SENP6: variants seen among roughly 807,000 people sequenced by gnomAD.
SENP6 encodes sentrin-specific protease 6.
A neutral mutation model predicts 134.5 loss-of-function variants in SENP6; 41 were observed. The ratio of observed to expected loss-of-function variants is 0.30; its 90% CI spans 0.24 to 0.40. The LOEUF (loss-of-function observed/expected upper bound fraction) is 0.40. SENP6 is among the 10% of genes least tolerant of loss of function. The probability of loss-of-function intolerance (pLI) is 1.00; values close to 1 mark genes in which losing one functional copy is unlikely to be tolerated. For synonymous variants in SENP6, 395 were observed against 429.8 expected (o/e 0.92, Z 1.00); for missense variants, 1,248 against 1,312.5 (o/e 0.95, Z 0.76).
chr6:75,680,528 A>G (rs1222010400), intron 16 of SENP6, among the ~76,000 whole-genome samples: 2 of 152,212 alleles, frequency 1.3e-5, no homozygotes, highest in African/African-American at 2.4e-5. Context: ...GGCTCCCATG[A>G]ATAATTTCCA....
intron 21 of SENP6, among the ~76,000 whole-genome samples, chr6:75,712,515 A>G (rs1775806217): frequency 6.6e-6 from 1 of 151,916 alleles, no homozygotes; most frequent in Admixed American, 6.6e-5. Context: ...CATCTCTGGA[A>G]AAAGTTAAAA....
chr6:75,640,806 A>G, intron 6 of SENP6, 102 bp downstream of exon 6: 1 of 676,602 alleles, frequency 1.5e-6, no homozygotes, highest in Non-Finnish European at 2.3e-6. Context: ...TTTATAATTA[A>G]AGCTTTTTTT....
In SENP6 at chr6:75,692,789, G is replaced by A. The variant is rs561089869; in HGVS notation, c.2076-3015G>A. 1.8e-3 allele frequency among the ~76,000 whole-genome samples: 255 copies of A among 141,346 alleles called. 1 individual carries two copies. Among genetic ancestry groups the A allele is most frequent in the African/African-American group, 6.1e-3 (220 of 36,070 alleles). 92.7% of individuals were successfully genotyped at this position (141,346 alleles called of 152,430 possible). A position where few individuals can be genotyped will look rare whatever the true frequency, so the allele number is the denominator to read the frequency against. ...TGGCTCTTCCTCCTTCCCTTCCCCC[G>A]CCAAAAAAAAAAAATCTGTAATCCT... On this transcript the variant is annotated intron_variant, in intron 16 of 23. Transcript: ENST00000447266.
chr6:75,659,384 A>G lies in SENP6; in HGVS notation c.673A>G (p.Lys225Glu), dbSNP rs1464847321. 3 of 1,609,658 alleles carry G rather than the reference A, an allele frequency of 1.9e-6. No homozygotes were observed. The highest frequency in any genetic ancestry group is 2.5e-6 in the Non-Finnish European group (3 of 1,177,728). Residue 225 changes from lysine to glutamate, a missense_variant, in exon 8 of 24, where the codon AAA becomes GAA. Transcript: ENST00000447266. ...QPTPPLSPAS[K>E]KCLTHLEDLQ... ...TACTCCTCCTCTATCTCCTGCTTCAAAAAAATGTTTAACCCATTTAGAGGT... is the reference window on the plus strand; with the variant it reads ...TACTCCTCCTCTATCTCCTGCTTCAGAAAAATGTTTAACCCATTTAGAGGT...
Position 75,693,126 on chromosome 6 carries a change from A to G in SENP6, c.2076-2678A>G, listed in dbSNP as rs369833944. ...ATAAAACAGCCATTGTAGGCCAGGC[A>G]CAGTGGCTCACGCCTATAATCCCAG... is the stretch of plus-strand genomic sequence containing the variant. On this transcript the variant is annotated intron_variant, in intron 16 of 23. Coordinates refer to ENST00000447266, the MANE Select transcript of SENP6 (RefSeq NM_015571.4). Among the ~76,000 whole-genome samples the G allele has an allele frequency of 2.6e-5, 4 of 152,244 alleles. No homozygotes were observed. The East Asian group carries it at 5.8e-4, about 22-fold the overall frequency.
At chr6:75,715,275 T>A in intron 23 of SENP6, 110 bp from the exon 24 acceptor site, 1 of 771,350 alleles carries the variant, frequency 1.3e-6, no homozygotes, top group Non-Finnish European at 2.2e-6. Flanking sequence ...CAGAAATACA[T>A]ATTGAATGCG....
In SENP6 at chr6:75,663,797, G is replaced by A. The variant is rs561988804; in HGVS notation, c.994+279G>A. Among the ~76,000 whole-genome samples, 31 of 125,496 alleles carry A rather than the reference G, an allele frequency of 2.5e-4. No individual in the cohort carries two copies. In the East Asian group the frequency reaches 7.6e-3, roughly 31 times the overall value. The allele number at this position is 125,496 out of a possible 152,430, so 82.3% of individuals were successfully genotyped here. ...TGATCTGTAAATGGGTAGATTTCCT[G>A]CTGATAGTGGGTTTTTTTTTTTGTG... On this transcript the variant is annotated intron_variant, in intron 9 of 23. Coordinates refer to ENST00000447266, the MANE Select transcript of SENP6 (RefSeq NM_015571.4).
chr6:75,614,260 C>CT lies in SENP6; in HGVS notation c.53-7253dup, dbSNP rs1024636893. 4.1e-3 allele frequency among the ~76,000 whole-genome samples: 570 copies of CT among 140,204 alleles called. 2 individuals are homozygous for CT. The highest frequency in any genetic ancestry group is 0.013 in the East Asian group (59 of 4,616). 92.0% of individuals were successfully genotyped at this position (140,204 alleles called of 152,430 possible). On this transcript the variant is annotated intron_variant, in intron 1 of 23. Coordinates refer to ENST00000447266, the MANE Select transcript of SENP6 (RefSeq NM_015571.4). ...AGATTTTTCCACAGAAAGTTACTATCTTTTTTTTTTTTTTTTTTTGTTTGA... is the reference window on the plus strand; with the variant it reads ...AGATTTTTCCACAGAAAGTTACTATCTTTTTTTTTTTTTTTTTTTTGTTTGA...
chr6:75,621,550 CT>C lies in SENP6; in HGVS notation c.72del (p.Lys25ArgfsTer46). 6.2e-7 allele frequency: 1 copy of C among 1,609,646 alleles called. No homozygotes were observed. The highest frequency in any genetic ancestry group is 8.5e-7 in the Non-Finnish European group (1 of 1,176,606). On this transcript the variant is annotated frameshift_variant, in exon 2 of 24. Transcript: ENST00000447266. LOFTEE classifies it high-confidence loss of function. ...TFLEALARSE[S>X]KRDGGFKNNW... ...ATTTCAGCTTTGGCTAGATCAGAGT[CT>C]AAGAGAGATGGAGGTTTTAAAAATA...
chr6:75,663,830 G>C lies in SENP6; in HGVS notation c.994+312G>C, dbSNP rs1181157712. Among the ~76,000 whole-genome samples the C allele has an allele frequency of 5.4e-5, 8 of 147,396 alleles. 1 individual carries two copies. Among genetic ancestry groups the C allele is most frequent in the South Asian group, 2.2e-4 (1 of 4,576 alleles). Reference sequence around the variant, plus strand: ...TGGGTTTTTTTTTTTGTGGGGGGGGGGGTGCCTAAAATAACATAAAGTATG... The same window carrying C: ...TGGGTTTTTTTTTTTGTGGGGGGGGCGGTGCCTAAAATAACATAAAGTATG... On this transcript the variant is annotated intron_variant, in intron 9 of 23. Transcript: ENST00000447266.
At chr6:75,704,619 C>T (rs895679140) in intron 19 of SENP6, among the ~76,000 whole-genome samples, 1 of 152,200 alleles carries the variant, frequency 6.6e-6, no homozygotes, top group Non-Finnish European at 1.5e-5. Context: ...CTGCAAGAGG[C>T]TTTCCTCTTT....
chr6:75,632,222 A>G (rs1769165127), intron 3 of SENP6, among the ~76,000 whole-genome samples: 2 of 152,086 alleles, frequency 1.3e-5, no homozygotes, highest in Admixed American at 1.3e-4. Flanking sequence ...TTTAGAGACA[A>G]CCTTAGTAGC....
chr6:75,685,084 C>T (rs1274688331), intron 16 of SENP6, among the ~76,000 whole-genome samples: 12 of 152,110 alleles, frequency 7.9e-5, no homozygotes, highest in Non-Finnish European at 1.6e-4. Flanking sequence ...GAGCCTGTTA[C>T]TGGTCTATTT....
chr6:75,664,367 A>G (rs985488), intron 9 of SENP6, among the ~76,000 whole-genome samples: 169 of 152,090 alleles, frequency 1.1e-3, no homozygotes, highest in African/African-American at 3.9e-3. Context: ...GCCTTTTTAA[A>G]AAATCTATAT....
chr6:75,682,576 C>T (rs1773540417), intron 16 of SENP6, among the ~76,000 whole-genome samples: 1 of 152,142 alleles, frequency 6.6e-6, no homozygotes, highest in South Asian at 2.1e-4. Flanking sequence ...CCACAACAGG[C>T]CCTGGTGTGT....
intron 5 of SENP6, among the ~76,000 whole-genome samples, chr6:75,636,877 T>TG (rs1293633888): frequency 6.7e-6 from 1 of 148,256 alleles, no homozygotes; most frequent in Non-Finnish European, 1.5e-5. Flanking sequence ...AAGTCTTAAT[T>TG]TTTTTTTTTT....
At position 75,640,715 on chromosome 6, in the gene SENP6, T is replaced by C; in HGVS notation, c.479+11T>C. On this transcript the variant is annotated intron_variant, in intron 6 of 23. Transcript: ENST00000447266. ...GGACCGAAAAGAAAGGTAAGCTTAA[T>C]ATTGAAGAAATTAGAGCATGGATAT... 6.7e-7 allele frequency: 1 copy of C among 1,483,470 alleles called. No individual in the cohort carries two copies. The highest frequency in any genetic ancestry group is 9.1e-7 in the Non-Finnish European group (1 of 1,100,728). The allele number at this position is 1,483,470 out of a possible 1,614,324, so 91.9% of individuals were successfully genotyped here. A position where few individuals can be genotyped will look rare whatever the true frequency, so the allele number is the denominator to read the frequency against.
chr6:75,667,798 T>G (rs1216906377), intron 10 of SENP6, among the ~76,000 whole-genome samples: 3 of 152,220 alleles, frequency 2.0e-5, no homozygotes, highest in Non-Finnish European at 4.4e-5. Flanking sequence ...CGTTGCCTGT[T>G]AATATGGATA....
At chr6:75,616,964 A>G (rs747911492) in intron 1 of SENP6, among the ~76,000 whole-genome samples, 4 of 151,968 alleles carry the variant, frequency 2.6e-5, no homozygotes, top group Non-Finnish European at 4.4e-5. Flanking sequence ...CCCAGGCTCA[A>G]TTGATCCTCC....
Sources: allele counts gnomAD v4.1 joint callset (sites outside exome capture counted in the v4.1 genomes callset), GRCh38; gene constraint gnomAD v4.1.1; transcripts MANE v1.5; gene names NCBI Gene and HGNC (gene_info 2026-07-23, HGNC 2026-07-21).